Variants in GGT5 observed in about 807,000 individuals in gnomAD.
GGT5 encodes gamma-glutamyltransferase 5.
GGT5 carries 50 observed loss-of-function variants against 58.1 expected under a neutral mutation model. That is an observed-to-expected ratio of 0.86 (90% confidence interval 0.69 to 1.09). GGT5 has a LOEUF of 1.09. Among genes scored for constraint, GGT5 ranks in the 50% least tolerant of loss-of-function variants. The pLI is 0.00. For missense variants in GGT5, 800 were observed against 789.4 expected, an observed-to-expected ratio of 1.01 and a Z score of -0.16; for synonymous variants, 370 against 346.1, an observed-to-expected ratio of 1.07 and a Z score of -0.77.
chr22:24,226,539 C>A, intron 7 of GGT5, 92 bp downstream of exon 7: 1 of 1,384,658 alleles, frequency 7.2e-7, no homozygotes, highest in Non-Finnish European at 1.0e-6. Flanking sequence ...ATCCCTCCAA[C>A]TTCCCCCTAC....
At chr22:24,234,097 G>T in intron 1 of GGT5, 93 bp from the exon 2 acceptor site, 1 of 1,305,556 alleles carries the variant, frequency 7.7e-7, no homozygotes, top group South Asian at 1.4e-5. Context: ...GAATGGTGAC[G>T]GAGGCGGCAC....
At chr22:24,226,325 A>G in intron 7 of GGT5, 59 bp from the exon 8 acceptor site, 1 of 1,388,178 alleles carries the variant, frequency 7.2e-7, no homozygotes, top group Non-Finnish European at 9.9e-7. Context: ...CCGCAGAACC[A>G]AGGGCAGGAT....
At chr22:24,227,106 G>A (rs556350626) in intron 6 of GGT5, among the ~76,000 whole-genome samples, 77 of 151,764 alleles carry the variant, frequency 5.1e-4, no homozygotes, top group African/African-American at 1.3e-3. Flanking sequence ...TCGCCACCAC[G>A]TACAGCTAAT....
At chr22:24,233,453 T>G (rs1569365324) in intron 3 of GGT5, 45 bp downstream of exon 3, 1 of 1,108,830 alleles carries the variant, frequency 9.0e-7, no homozygotes, top group African/African-American at 1.5e-5. Context: ...TGATTAGTCC[T>G]AGTGGCCTGG....
chr22:24,225,690 CG>C, intron 8 of GGT5, 38 bp from the exon 9 acceptor site: 1 of 1,298,008 alleles, frequency 7.7e-7, no homozygotes. Context: ...GGCTAGGACC[CG>C]GGGCTCCCAC....
At position 24,233,603 on chromosome 22, in the gene GGT5, G is replaced by T. The variant is rs767241056; in HGVS notation, c.305-10C>A. On this transcript the variant is annotated splice_polypyrimidine_tract_variant and intron_variant, in intron 2 of 11. Transcript: ENST00000327365. ...ATGACCTCCACCTTCCCTGGAGTAG[G>T]GCAGGGCAGGTGAGTGGTCATGGAC... is the stretch of plus-strand genomic sequence containing the variant. 10 of 1,563,136 alleles carry T rather than the reference G, an allele frequency of 6.4e-6. No individual in the cohort carries two copies. Among genetic ancestry groups the T allele is most frequent in the South Asian group, 4.5e-5 (4 of 88,048 alleles).
intron 1 of GGT5, among the ~76,000 whole-genome samples, chr22:24,237,471 C>T (rs756430170): frequency 3.9e-5 from 6 of 152,118 alleles, no homozygotes; most frequent in Non-Finnish European, 5.9e-5. Flanking sequence ...TGCAGTGCCT[C>T]GATCTCGGCT....
At chr22:24,220,593 TA>T in intron 11 of GGT5, 1 of 435,332 alleles carries the variant, frequency 2.3e-6, no homozygotes, top group East Asian at 7.4e-5. Context: ...TTCTAAAAAA[TA>T]AAAAATAAGA....
Position 24,233,539 on chromosome 22 carries a change from C to CT in GGT5, c.358dup (p.Ser120LysfsTer194), listed in dbSNP as rs933142488. ...AGCCTGTGCACACTGGTCCAGCAGG[C>CT]TCGGGGCGTGGCTGGCCGGCACCGT... On this transcript the variant is annotated frameshift_variant, in exon 3 of 12. Coordinates refer to ENST00000327365, the MANE Select transcript of GGT5 (RefSeq NM_004121.5). LOFTEE classifies it high-confidence loss of function. 3.2e-5 allele frequency: 52 copies of CT among 1,609,692 alleles called. No individual in the cohort carries two copies. The highest frequency in any genetic ancestry group is 3.8e-5 in the Non-Finnish European group (45 of 1,179,344).
intron 6 of GGT5, among the ~76,000 whole-genome samples, chr22:24,230,414 G>A (rs764381690): frequency 1.1e-4 from 17 of 149,580 alleles, no homozygotes; most frequent in South Asian, 2.1e-4. Flanking sequence ...AAAAATCAGC[G>A]GCGTGTGGTG....
In GGT5 at chr22:24,233,921, A is replaced by G. The variant is rs768268831; in HGVS notation, c.257T>C (p.Met86Thr). ...VCTSVVNPQS[M>T]GLGGGVIFTI... is the part of the protein sequence containing the mutation. ...GAAGATGACCCCTCCGCCCAGGCCC[A>G]TGCTCTGAGGGTTGACGACGCTGGT... The change falls in exon 2 of 12, where the codon ATG (methionine) becomes ACG (threonine). Residue 86 changes from methionine to threonine, a missense_variant. Met to Thr is a moderately conservative substitution (Grantham distance 81). Coordinates refer to ENST00000327365, the MANE Select transcript of GGT5 (RefSeq NM_004121.5). The G allele has an allele frequency of 6.8e-6, 11 of 1,613,418 alleles. No homozygotes were observed. The East Asian group carries it at 1.1e-4, about 16-fold the overall frequency.
At position 24,244,998 on chromosome 22, in the gene GGT5, C is replaced by T. The variant is rs1350486171; in HGVS notation, c.-273G>A. 1 of 482,460 alleles carries T rather than the reference C, an allele frequency of 2.1e-6. No homozygotes were observed. The highest frequency in any genetic ancestry group is 3.4e-5 in the East Asian group (1 of 29,342). The allele number at this position is 482,460 out of a possible 1,614,324, so 29.9% of individuals were successfully genotyped here. A position where few individuals can be genotyped will look rare whatever the true frequency, so the allele number is the denominator to read the frequency against. On this transcript the variant is annotated 5_prime_UTR_variant, in exon 1 of 12. Coordinates refer to ENST00000327365, the MANE Select transcript of GGT5 (RefSeq NM_004121.5). ...ACAGACAGGTCTGAACAGCGGGCTGCCAGATGGACAGATGGGTGAATGGAC... is the reference window on the plus strand; with the variant it reads ...ACAGACAGGTCTGAACAGCGGGCTGTCAGATGGACAGATGGGTGAATGGAC...
intron 1 of GGT5, among the ~76,000 whole-genome samples, chr22:24,240,635 T>G (rs2048302751): frequency 6.6e-6 from 1 of 152,032 alleles, no homozygotes; most frequent in African/African-American, 2.4e-5. Context: ...ACTACAAGTG[T>G]GCCAACTTAG....
chr22:24,240,352 C>A (rs544173328), intron 1 of GGT5, among the ~76,000 whole-genome samples: 8 of 152,070 alleles, frequency 5.3e-5, no homozygotes, highest in Non-Finnish European at 1.2e-4. Flanking sequence ...AAATCATCAC[C>A]TACTTTTAAA....
chr22:24,238,373 T>C (rs1470713560), intron 1 of GGT5, among the ~76,000 whole-genome samples: 2 of 150,700 alleles, frequency 1.3e-5, no homozygotes, highest in African/African-American at 4.9e-5. Flanking sequence ...CTACTACAAA[T>C]ACAAAAAAAT....
chr22:24,234,379 C>T (rs1379218255), intron 1 of GGT5, among the ~76,000 whole-genome samples: 1 of 152,220 alleles, frequency 6.6e-6, no homozygotes, highest in South Asian at 2.1e-4. Flanking sequence ...TGGGACTCCA[C>T]TCCCCATCTC....
At chr22:24,241,318 G>A (rs1211969106) in intron 1 of GGT5, 1 of 152,240 alleles carries the variant, frequency 6.6e-6, no homozygotes, top group Non-Finnish European at 1.5e-5. Context: ...GGACTGGCAA[G>A]TTTAAAATCT....
intron 3 of GGT5, 74 bp from the exon 4 acceptor site, chr22:24,233,092 G>GC: frequency 1.8e-6 from 2 of 1,141,550 alleles, no homozygotes; most frequent in East Asian, 2.9e-5. Context: ...CCTACATGTG[G>GC]CCCCCCAGTT....
intron 9 of GGT5, 46 bp from the exon 10 acceptor site, chr22:24,225,457 G>T: frequency 6.2e-7 from 1 of 1,608,384 alleles, no homozygotes; most frequent in Non-Finnish European, 8.5e-7. Flanking sequence ...CCCATCCAGG[G>T]GTTAGCATGC....
Sources: gnomAD v4.1 joint callset for allele counts (sites outside exome capture counted in the v4.1 genomes callset) on GRCh38, gnomAD v4.1.1 for gene constraint, MANE v1.5 for transcripts, NCBI Gene and HGNC (gene_info 2026-07-23, HGNC 2026-07-21) for gene names.